The following CRTC3 variants were observed in gnomAD, a reference collection of about 807,000 sequenced individuals.
CRTC3 encodes the protein CREB regulated transcription coactivator 3, also known as CREB-regulated transcription coactivator 3.
A neutral mutation model predicts 74.5 loss-of-function variants in CRTC3; 26 were observed. The observed-to-expected ratio is 0.35, with a 90% CI of 0.26 to 0.48. The LOEUF (loss-of-function observed/expected upper bound fraction) is 0.48. CRTC3 is among the 20% of genes least tolerant of loss of function. The pLI is 0.99. For missense variants in CRTC3, 760 were observed against 787.3 expected (o/e 0.97, Z 0.41); for synonymous variants, 377 against 325.8 (o/e 1.16, Z -1.69).
chr15:90,583,115 C>T (rs771988879), intron 2 of CRTC3, among the ~76,000 whole-genome samples: 26 of 151,904 alleles, frequency 1.7e-4, no homozygotes, highest in Non-Finnish European at 3.4e-4. Flanking sequence ...TGGGATTACA[C>T]GTGTGAGCCA....
At chr15:90,608,181 G>C (rs1196966543) in intron 6 of CRTC3, among the ~76,000 whole-genome samples, 1 of 152,158 alleles carries the variant, frequency 6.6e-6, no homozygotes, top group African/African-American at 2.4e-5. Flanking sequence ...GAGTAACCCG[G>C]AGTGGGGAAG....
At chr15:90,634,959 A>G in intron 11 of CRTC3, 1 of 1,535,710 alleles carries the variant, frequency 6.5e-7, no homozygotes, top group South Asian at 1.1e-5. Context: ...ATATGGAGGC[A>G]CCAAAGTAGT....
intron 1 of CRTC3, among the ~76,000 whole-genome samples, chr15:90,535,227 G>C (rs994760441): frequency 6.6e-6 from 1 of 151,976 alleles, no homozygotes; most frequent in Non-Finnish European, 1.5e-5. Context: ...AGGAACTAAG[G>C]AACTACACCA....
intron 3 of CRTC3, chr15:90,597,901 GA>G (rs1271398671): frequency 6.6e-6 from 1 of 152,518 alleles, no homozygotes; most frequent in Non-Finnish European, 1.5e-5. Context: ...TTCACTTTAA[GA>G]TGTCTTCTAG....
intron 2 of CRTC3, among the ~76,000 whole-genome samples, chr15:90,591,720 C>T (rs771760710): frequency 1.3e-5 from 2 of 152,204 alleles, no homozygotes; most frequent in Non-Finnish European, 2.9e-5. Context: ...GAGGCTGAGC[C>T]TGGGAAGTGG....
intron 13 of CRTC3, among the ~76,000 whole-genome samples, chr15:90,639,188 G>A (rs958357226): frequency 1.3e-5 from 2 of 152,118 alleles, no homozygotes; most frequent in South Asian, 2.1e-4. Context: ...AGAAGGTGGC[G>A]CCGCATTTGG....
chr15:90,571,153 A>G lies in CRTC3; in HGVS notation c.232-22483A>G, dbSNP rs536739587. The stretch of plus-strand genomic sequence containing the variant: ...TGATGCTGGAGATACAATGACCCAG[A>G]CAGGCACAGTCACTGCTTGGCGGAA... On this transcript the variant is annotated intron_variant, in intron 2 of 14. Coordinates refer to ENST00000268184, the MANE Select transcript of CRTC3 (RefSeq NM_022769.5). 2.0e-5 allele frequency among the ~76,000 whole-genome samples: 3 copies of G among 152,344 alleles called. No homozygotes were observed. The South Asian group carries it at 6.2e-4, about 32-fold the overall frequency.
rs1228589729 is a variant in CRTC3, at chr15:90,530,067, G to T, written c.-5G>T. On this transcript the variant is annotated 5_prime_UTR_variant, in exon 1 of 15. Coordinates refer to ENST00000268184, the MANE Select transcript of CRTC3 (RefSeq NM_022769.5). This position sits in a 1 kb window ranked among gnomAD's most constrained non-coding sequence, Gnocchi z 6.2. ...TCCCGCTTCTGCCCGCGCAGAGTCC[G>T]CGCCATGGCCGCCTCGCCGGGCTCG... 1.4e-6 allele frequency: 2 copies of T among 1,424,512 alleles called. No homozygotes were observed. Among genetic ancestry groups the T allele is most frequent in the Admixed American group, 2.2e-5 (1 of 45,910 alleles). 88.2% of individuals were successfully genotyped at this position (1,424,512 alleles called of 1,614,324 possible).
rs1969530697 is a variant in CRTC3 at position 90,643,717 on chromosome 15, A to G, written c.*1577A>G. The G allele has an allele frequency of 8.7e-6, 2 of 228,794 alleles. No individual in the cohort carries two copies. The highest frequency in any genetic ancestry group is 5.7e-5 in the Admixed American group (1 of 17,588). The allele number at this position is 228,794 out of a possible 1,614,324, so 14.2% of individuals were successfully genotyped here. ...CCAGTAGGTTTGAAGGGGGCAGAGC[A>G]CTGCAGGGGGAGGGGGGGGTCTAGG... On this transcript the variant is annotated 3_prime_UTR_variant, in exon 15 of 15. Transcript: ENST00000268184.
intron 2 of CRTC3, among the ~76,000 whole-genome samples, chr15:90,565,265 T>A (rs1363216215): frequency 6.6e-6 from 1 of 152,142 alleles, no homozygotes; most frequent in Non-Finnish European, 1.5e-5. Flanking sequence ...GCTTTCTAAG[T>A]CTCGGTTTCT....
At chr15:90,620,900 C>T (rs989128820) in intron 9 of CRTC3, among the ~76,000 whole-genome samples, 2 of 152,148 alleles carry the variant, frequency 1.3e-5, no homozygotes, top group African/African-American at 4.8e-5. Flanking sequence ...CTCACAGCAG[C>T]GCAGTCAAGG....
intron 11 of CRTC3, among the ~76,000 whole-genome samples, chr15:90,631,634 G>A (rs925363822): frequency 4.6e-5 from 7 of 151,290 alleles, no homozygotes; most frequent in East Asian, 2.0e-4. Context: ...ATGCTGCGAC[G>A]TGAGAATTGC....
At chr15:90,532,919 T>G (rs561215387) in intron 1 of CRTC3, among the ~76,000 whole-genome samples, 1 of 150,402 alleles carries the variant, frequency 6.6e-6, no homozygotes, top group African/African-American at 2.4e-5. Flanking sequence ...ACCCCGTTTC[T>G]ACTAAAAGTA....
intron 2 of CRTC3, among the ~76,000 whole-genome samples, chr15:90,544,339 A>G (rs1205644243): frequency 1.3e-5 from 2 of 152,250 alleles, no homozygotes; most frequent in African/African-American, 2.4e-5. Flanking sequence ...CCCTAATTCA[A>G]TATGATCTCA....
chr15:90,631,013 A>C (rs1482596097), intron 11 of CRTC3, among the ~76,000 whole-genome samples: 1 of 16,596 alleles, frequency 6.0e-5, no homozygotes, highest in African/African-American at 1.2e-4. Flanking sequence ...TCCTGACCTC[A>C]TGATCCACCC....
chr15:90,557,931 C>T (rs964248902), intron 2 of CRTC3, among the ~76,000 whole-genome samples: 1 of 152,090 alleles, frequency 6.6e-6, no homozygotes, highest in Non-Finnish European at 1.5e-5. Flanking sequence ...GGATTGAAAT[C>T]GTGCCCTGAA....
intron 2 of CRTC3, among the ~76,000 whole-genome samples, chr15:90,574,103 C>T (rs943596459): frequency 2.0e-5 from 3 of 152,120 alleles, no homozygotes; most frequent in African/African-American, 7.2e-5. Flanking sequence ...ACACAGTATT[C>T]TTTTATATGA....
At chr15:90,590,949 G>A (rs1331800081) in intron 2 of CRTC3, among the ~76,000 whole-genome samples, 1 of 151,940 alleles carries the variant, frequency 6.6e-6, no homozygotes, top group Admixed American at 6.6e-5. Flanking sequence ...GAAAATAAGA[G>A]CTTTTGTTTT....
At chr15:90,558,501 C>T (rs1966942348) in intron 2 of CRTC3, among the ~76,000 whole-genome samples, 1 of 152,148 alleles carries the variant, frequency 6.6e-6, no homozygotes, top group Admixed American at 6.5e-5. Flanking sequence ...CCTCCTCACT[C>T]ACTCCATGCC....
Sources: gnomAD v4.1 joint callset for allele counts (sites outside exome capture counted in the v4.1 genomes callset) on GRCh38, gnomAD v4.1.1 for gene constraint, Gnocchi (gnomAD v3.1) non-coding constraint, MANE v1.5 for transcripts, NCBI Gene and HGNC (gene_info 2026-07-23, HGNC 2026-07-21) for gene names.